The following COG5 variants were observed in gnomAD, a reference collection of about 807,000 sequenced individuals.
COG5 encodes the protein component of oligomeric golgi complex 5, also known as conserved oligomeric Golgi complex subunit 5.
Under a neutral mutation model 110.4 loss-of-function variants are expected in COG5, and 86 were observed. The observed-to-expected ratio is 0.78, with a 90% CI of 0.65 to 0.93. The LOEUF (loss-of-function observed/expected upper bound fraction) is 0.93, where lower values mean the gene tolerates loss of function less well. COG5 is among the 40% of genes least tolerant of loss of function. The pLI, the probability that COG5 is intolerant of heterozygous loss-of-function variation, is 0.00. For synonymous variants in COG5, 360 were observed against 334.6 expected, an observed-to-expected ratio of 1.08 and a Z score of -0.83; for missense variants, 1,077 against 987.0, an observed-to-expected ratio of 1.09 and a Z score of -1.22.
At chr7:107,451,634 T>G (rs1218703491) in intron 6 of COG5, among the ~76,000 whole-genome samples, 1 of 152,188 alleles carries the variant, frequency 6.6e-6, no homozygotes, top group Non-Finnish European at 1.5e-5. Context: ...CCGACACTTC[T>G]TCTTCCTCCT....
chr7:107,251,154 A>C, intron 16 of COG5, among the ~76,000 whole-genome samples: 1 of 148,360 alleles, frequency 6.7e-6, no homozygotes, highest in Non-Finnish European at 1.5e-5. Flanking sequence ...AAAAAAAAAG[A>C]TTACATACAA....
intron 11 of COG5, 34 bp downstream of exon 11, chr7:107,324,406 T>A: frequency 7.5e-7 from 1 of 1,324,766 alleles, no homozygotes; most frequent in Non-Finnish European, 1.1e-6. Context: ...CTTAAAACTT[T>A]GAAATTAATT....
intron 11 of COG5, among the ~76,000 whole-genome samples, chr7:107,303,262 T>A (rs1269757545): frequency 1.3e-5 from 2 of 152,208 alleles, no homozygotes; most frequent in East Asian, 3.9e-4. Flanking sequence ...CACAAAAATC[T>A]TATCTATACA....
At chr7:107,333,536 TA>T (rs1234569684) in intron 10 of COG5, among the ~76,000 whole-genome samples, 1 of 152,136 alleles carries the variant, frequency 6.6e-6, no homozygotes. Context: ...TTTTGTTTTA[TA>T]AAATAAGAGC....
chr7:107,332,984 C>T (rs1006448663), intron 10 of COG5, among the ~76,000 whole-genome samples: 2 of 152,090 alleles, frequency 1.3e-5, no homozygotes, highest in Non-Finnish European at 2.9e-5. Flanking sequence ...ATAAGCAATA[C>T]AATTTTTTTG....
At position 107,362,382 on chromosome 7, in the gene COG5, T is replaced by G. The variant is rs1327313105; in HGVS notation, c.874A>C (p.Thr292Pro). 1 of 1,613,884 alleles carries G rather than the reference T, an allele frequency of 6.2e-7. No homozygotes were observed. The highest frequency in any genetic ancestry group is 8.5e-7 in the Non-Finnish European group (1 of 1,179,872). ...CAGAATGAGGCACGCAAAGCTGCAG[T>G]ATTTCCTGGGGTTGGCATGGTAGAT... is the stretch of plus-strand genomic sequence containing the variant. ...GRSTMPTPGN[T>P]AALRASFWTN... The change falls in exon 9 of 22, where the codon ACT becomes CCT. Residue 292 changes from threonine (T) to proline (P), a missense_variant. By Grantham distance (38) the Thr-to-Pro change is conservative. Coordinates refer to ENST00000297135, the MANE Select transcript of COG5 (RefSeq NM_006348.5).
chr7:107,352,503 G>T (rs1322587118), intron 10 of COG5, among the ~76,000 whole-genome samples: 3 of 136,054 alleles, frequency 2.2e-5, no homozygotes, highest in Non-Finnish European at 3.2e-5. Flanking sequence ...CAAGGTAATT[G>T]TAAAAAAAAA....
chr7:107,508,531 A>G (rs929098090), intron 6 of COG5, among the ~76,000 whole-genome samples: 3 of 152,222 alleles, frequency 2.0e-5, no homozygotes, highest in African/African-American at 7.2e-5. Flanking sequence ...TGAAGAGAGT[A>G]GTGGTTCTTC....
At position 107,294,025 on chromosome 7, in the gene COG5, T is replaced by C. The variant is rs1330318995; in HGVS notation, c.1313+4117A>G. On this transcript the variant is annotated intron_variant, in intron 12 of 21. Transcript: ENST00000297135. ...AGACAAAAGTTGCTGTGAGCAGATA[T>C]CACACCACTGCACTCCAGCCTGGGT... 2.0e-5 allele frequency among the ~76,000 whole-genome samples: 3 copies of C among 152,060 alleles called. No homozygotes were observed. In the East Asian group the frequency reaches 5.8e-4, roughly 29 times the overall value.
At chr7:107,501,321 A>C (rs1798616917) in intron 6 of COG5, among the ~76,000 whole-genome samples, 2 of 152,118 alleles carry the variant, frequency 1.3e-5, no homozygotes, top group African/African-American at 4.8e-5. Flanking sequence ...ACCAAGAAAT[A>C]AAAAACTTTG....
rs28655763 is a variant in COG5, at chr7:107,303,440, T to C, written c.1109-5094A>G. Reference sequence around the variant, plus strand: ...AGTTTTTTTGTTTGTTTGTTTTTTGTTTTTAGAGACAAGGTCTCAGTCTGT... The same window carrying C: ...AGTTTTTTTGTTTGTTTGTTTTTTGCTTTTAGAGACAAGGTCTCAGTCTGT... On this transcript the variant is annotated intron_variant, in intron 11 of 21. Transcript: ENST00000297135. Among the ~76,000 whole-genome samples the C allele has an allele frequency of 7.2e-5, 11 of 152,212 alleles. No homozygotes were observed. In the Middle Eastern group the frequency reaches 0.01, roughly 141 times the overall value.
At chr7:107,362,525 T>C in intron 8 of COG5, 105 bp from the exon 9 acceptor site, 2 of 728,774 alleles carry the variant, frequency 2.7e-6, no homozygotes, top group South Asian at 3.4e-5. Context: ...AATGAGAAGT[T>C]CCTTCTTTAG....
chr7:107,295,229 A>G (rs968255817), intron 12 of COG5, among the ~76,000 whole-genome samples: 31 of 148,026 alleles, frequency 2.1e-4, no homozygotes, highest in Middle Eastern at 3.4e-3. Context: ...GAGCCACCAC[A>G]CCGTACCCAG....
At chr7:107,502,874 T>G (rs1798722303) in intron 6 of COG5, among the ~76,000 whole-genome samples, 1 of 152,144 alleles carries the variant, frequency 6.6e-6, no homozygotes, top group Non-Finnish European at 1.5e-5. Context: ...TTATTTTTCT[T>G]GCTGATTTGA....
chr7:107,529,906 A>G (rs529506213), intron 5 of COG5, among the ~76,000 whole-genome samples: 30 of 152,266 alleles, frequency 2.0e-4, no homozygotes, highest in African/African-American at 7.2e-4. Context: ...CTTGCACTGG[A>G]AACATTATCA....
intron 6 of COG5, among the ~76,000 whole-genome samples, chr7:107,508,800 C>A (rs1432186253): frequency 1.3e-5 from 2 of 152,178 alleles, no homozygotes; most frequent in Admixed American, 6.6e-5. Flanking sequence ...CTGGAGTGGA[C>A]CTCTAGCAAA....
At chr7:107,450,317 G>A (rs1795257517) in intron 6 of COG5, 1 of 152,660 alleles carries the variant, frequency 6.6e-6, no homozygotes, top group African/African-American at 2.4e-5. Context: ...CCACCAACAT[G>A]GCAAAGATGG....
intron 19 of COG5, among the ~76,000 whole-genome samples, chr7:107,226,292 C>T (rs1299991734): frequency 6.6e-6 from 1 of 152,184 alleles, no homozygotes; most frequent in African/African-American, 2.4e-5. Context: ...GACCCATGAA[C>T]AAGTGCCAAG....
chr7:107,419,675 C>G (rs1425020336), intron 6 of COG5, among the ~76,000 whole-genome samples: 1 of 151,858 alleles, frequency 6.6e-6, no homozygotes, highest in African/African-American at 2.4e-5. Flanking sequence ...TCAAGCGATT[C>G]TCCTGTCTCA....
Sources: gnomAD v4.1 joint callset for allele counts (sites outside exome capture counted in the v4.1 genomes callset) on GRCh38, gnomAD v4.1.1 for gene constraint, MANE v1.5 for transcripts, NCBI Gene and HGNC (gene_info 2026-07-23, HGNC 2026-07-21) for gene names.